The following DUOX2 variants were observed in gnomAD, a reference collection of about 807,000 sequenced individuals.
DUOX2 encodes the protein dual oxidase 2.
A neutral mutation model predicts 183.3 loss-of-function variants in DUOX2; 185 were observed. The observed-to-expected ratio is 1.01, with a 90% CI of 0.90 to 1.14. DUOX2 has a LOEUF of 1.14. DUOX2 is among the 50% of genes most tolerant of loss of function. The probability of loss-of-function intolerance (pLI) is 0.00; values close to 1 mark genes in which losing one functional copy is unlikely to be tolerated. For synonymous variants in DUOX2, 788 were observed against 812.4 expected, an observed-to-expected ratio of 0.97 and a Z score of 0.51; for missense variants, 1,999 against 2,022.9, an observed-to-expected ratio of 0.99 and a Z score of 0.23.
intron 20 of DUOX2, among the ~76,000 whole-genome samples, chr15:45,102,603 C>T (rs1428417570): frequency 6.6e-6 from 1 of 152,174 alleles, no homozygotes. Flanking sequence ...ATGCTGGGCC[C>T]ATAAAACACA....
chr15:45,095,967 T>C lies in DUOX2; in HGVS notation c.3941A>G (p.Glu1314Gly). ...GGAGGTCAGTGTGAAGGGGTGGTAC[T>C]CGGTGGTCCCCAGAGCCAGGCAGGC... The part of the protein sequence containing the change: ...RIACLALGTT[E>G]YHPFTLTSAP... Residue 1314 changes from glutamate (E) to glycine (G), a missense_variant, in exon 30 of 34, where the codon GAG becomes GGG. Transcript: ENST00000389039. 6.2e-7 allele frequency: 1 copy of C among 1,614,006 alleles called. No homozygotes were observed. Among genetic ancestry groups the C allele is most frequent in the Non-Finnish European group, 8.5e-7 (1 of 1,179,996 alleles).
At chr15:45,100,407 C>T in intron 23 of DUOX2, 179 bp from the exon 24 acceptor site, 1 of 632,656 alleles carries the variant, frequency 1.6e-6, no homozygotes, top group Non-Finnish European at 2.7e-6. Flanking sequence ...TGTCTTTGCT[C>T]CATCCACCCA....
Position 45,101,292 on chromosome 15 carries a change from A to C in DUOX2, c.2852-18T>G. On this transcript the variant is annotated intron_variant, in intron 21 of 33. Coordinates refer to ENST00000389039, the MANE Select transcript of DUOX2 (RefSeq NM_001363711.2). ...TCTAATACCTAGAGAAAAGAACAAGAGGCAGGACTGGCTTCCCCACAAGGG... is the reference window on the plus strand; with the variant it reads ...TCTAATACCTAGAGAAAAGAACAAGCGGCAGGACTGGCTTCCCCACAAGGG... 2 of 1,609,452 alleles carry C rather than the reference A, an allele frequency of 1.2e-6. No individual in the cohort carries two copies. The highest frequency in any genetic ancestry group is 2.2e-5 in the South Asian group (2 of 90,400).
intron 20 of DUOX2, among the ~76,000 whole-genome samples, chr15:45,102,344 A>G (rs1480229515): frequency 1.3e-5 from 2 of 151,834 alleles, no homozygotes; most frequent in African/African-American, 4.8e-5. Context: ...CTCCCACATC[A>G]CCCCTGGATT....
chr15:45,096,467 C>A (rs1315755553), intron 29 of DUOX2, among the ~76,000 whole-genome samples: 1 of 152,212 alleles, frequency 6.6e-6, no homozygotes, highest in Non-Finnish European at 1.5e-5. Context: ...TTTAAATTGA[C>A]TAACTTTTCC....
Position 45,111,478 on chromosome 15 carries a change from G to A in DUOX2, c.621C>T (p.Pro207=), listed in dbSNP as rs759969476. The A allele has an allele frequency of 9.5e-5, 147 of 1,549,732 alleles. No homozygotes were observed. The highest frequency in any genetic ancestry group is 2.9e-4 in the Admixed American group (15 of 51,220). The part of the protein sequence containing the change: ...SFSGGQLASG[P]DPAFPRDSQN... The stretch of plus-strand genomic sequence containing the variant: ...GCGAGTCTCGGGGGAAAGCGGGGTC[G>A]GGCCCCGACGCCAGCTGTCCCCCCG... The change falls in exon 6 of 34, where the codon CCC becomes CCT. Residue 207 remains proline, a synonymous_variant. Transcript: ENST00000389039.
Position 45,099,428 on chromosome 15 carries a change from A to C in DUOX2, c.3470T>G (p.Leu1157Arg). ...VNVYIFSVSP[L>R]SLLACIFPNV... ...GGGGAATATGCAGGCCAGCAGGCTG[A>C]GTGGGCTGACTGAGAAGATGTAGAC... The change falls in exon 26 of 34, where the codon CTC (leucine) becomes CGC (arginine). Residue 1157 changes from leucine to arginine, a missense_variant. Transcript: ENST00000389039. 1 of 1,614,128 alleles carries C rather than the reference A, an allele frequency of 6.2e-7. No individual in the cohort carries two copies. Among genetic ancestry groups the C allele is most frequent in the South Asian group, 1.1e-5 (1 of 91,086 alleles).
At position 45,113,430 on chromosome 15, in the gene DUOX2, G is replaced by T. The variant is rs201463794; in HGVS notation, c.-14-5C>A. 3.2e-6 allele frequency: 5 copies of T among 1,553,732 alleles called. No individual in the cohort carries two copies. Among genetic ancestry groups the T allele is most frequent in the Non-Finnish European group, 4.4e-6 (5 of 1,148,102 alleles). On this transcript the variant is annotated splice_polypyrimidine_tract_variant and splice_region_variant and intron_variant, in intron 1 of 33. Transcript: ENST00000389039. ...GGAGCATGCCAACCCTGCAGCCTGC[G>T]GGGTGAGGGTGGGGGTGGTAGGTGG...
intron 32 of DUOX2, 107 bp from the exon 33 acceptor site, chr15:45,094,798 AG>A: frequency 6.3e-7 from 1 of 1,595,418 alleles, no homozygotes; most frequent in East Asian, 2.3e-5. Flanking sequence ...AGGGAGCTGG[AG>A]GCTGAGGATC....
intron 12 of DUOX2, chr15:45,108,511 G>A (rs1894291466): frequency 1.7e-6 from 1 of 601,096 alleles, no homozygotes; most frequent in East Asian, 2.9e-5. Context: ...CCCTTGGGGT[G>A]GGACCCTGCA....
In DUOX2 at chr15:45,093,007, T is replaced by C. The variant is rs1257643873; in HGVS notation, c.*1143A>G. On this transcript the variant is annotated 3_prime_UTR_variant, in exon 34 of 34. Coordinates refer to ENST00000389039, the MANE Select transcript of DUOX2 (RefSeq NM_001363711.2). Reference sequence around the variant, plus strand: ...GAAACATTCTATGTCTTGACCTGGGTGGTGGTAAAACATGTACATGATTAT... The same window carrying C: ...GAAACATTCTATGTCTTGACCTGGGCGGTGGTAAAACATGTACATGATTAT... 2.0e-5 allele frequency: 3 copies of C among 152,136 alleles called. No homozygotes were observed. Among genetic ancestry groups the C allele is most frequent in the East Asian group, 1.9e-4 (1 of 5,192 alleles). The allele number at this position is 152,136 out of a possible 1,614,324, so 9.4% of individuals were successfully genotyped here.
At position 45,100,816 on chromosome 15, in the gene DUOX2, G is replaced by T. The variant is rs61730030; in HGVS notation, c.2944C>A (p.Pro982Thr). Residue 982 changes from proline to threonine, a missense_variant, in exon 23 of 34, where the codon CCC becomes ACC. By Grantham distance (38) the Pro-to-Thr change is conservative. Transcript: ENST00000389039. ...GERSHPQGLG[P>T]PAPEAPELGG... The stretch of plus-strand genomic sequence containing the variant: ...AGCTCTGGGGCTTCTGGGGCAGGGG[G>T]CCCCAGTCCCTGGGGGTGGGAGCTG... 16 of 1,613,576 alleles carry T rather than the reference G, an allele frequency of 9.9e-6. No individual in the cohort carries two copies. The highest frequency in any genetic ancestry group is 1.7e-5 in the Admixed American group (1 of 59,980).
chr15:45,113,420 T>A lies in DUOX2; in HGVS notation c.-9A>T. The A allele has an allele frequency of 1.9e-6, 3 of 1,557,572 alleles. No individual in the cohort carries two copies. Among genetic ancestry groups the A allele is most frequent in the Non-Finnish European group, 2.6e-6 (3 of 1,149,984 alleles). Reference sequence around the variant, plus strand: ...GGTCTTGCACGGAGCATGCCAACCCTGCAGCCTGCGGGGTGAGGGTGGGGG... The same window carrying A: ...GGTCTTGCACGGAGCATGCCAACCCAGCAGCCTGCGGGGTGAGGGTGGGGG... On this transcript the variant is annotated 5_prime_UTR_variant, in exon 2 of 34. Coordinates refer to ENST00000389039, the MANE Select transcript of DUOX2 (RefSeq NM_001363711.2).
chr15:45,106,993 C>T (rs1378397893), intron 14 of DUOX2, 24 bp from the exon 15 acceptor site: 28 of 1,565,750 alleles, frequency 1.8e-5, no homozygotes, highest in Non-Finnish European at 2.3e-5. Flanking sequence ...CAGGGAAGAC[C>T]TCAAAGTCTG....
In DUOX2 at chr15:45,093,273, T is replaced by C. The variant is rs1445581105; in HGVS notation, c.*877A>G. On this transcript the variant is annotated 3_prime_UTR_variant, in exon 34 of 34. Transcript: ENST00000389039. ...AGGACAGCTGGTCACCCAACTCTTG[T>C]GGAAGAGGGGAATTGAGATCGAGTA... is the stretch of plus-strand genomic sequence containing the variant. 2.0e-5 allele frequency: 3 copies of C among 152,088 alleles called. No homozygotes were observed. The highest frequency in any genetic ancestry group is 4.4e-5 in the Non-Finnish European group (3 of 68,072). The allele number at this position is 152,088 out of a possible 1,614,324, so 9.4% of individuals were successfully genotyped here.
rs1295924787 is a variant in DUOX2 at position 45,100,047 on chromosome 15, T to C, written c.3184+3A>G. ...CCCACTGCCCACAGCCTGGAACTCTTACAGTAAGCACGATCTGCAAACACG... is the reference window on the plus strand; with the variant it reads ...CCCACTGCCCACAGCCTGGAACTCTCACAGTAAGCACGATCTGCAAACACG... On this transcript the variant is annotated splice_donor_region_variant and intron_variant, in intron 24 of 33. Coordinates refer to ENST00000389039, the MANE Select transcript of DUOX2 (RefSeq NM_001363711.2). 6.2e-7 allele frequency: 1 copy of C among 1,614,074 alleles called. No homozygotes were observed. The highest frequency in any genetic ancestry group is 8.5e-7 in the Non-Finnish European group (1 of 1,180,040).
In DUOX2 at chr15:45,106,270, G is replaced by A. The variant is rs763038019; in HGVS notation, c.2003C>T (p.Ser668Leu). ...RSSPIIIQLL[S>L]DRCLQVLNRH... is the part of the protein sequence containing the mutation. ...GTTCAGGACCTGCAGACACCTGTCT[G>A]ACAGCAGCTGGATGATGATGGGACT... Residue 668 changes from serine to leucine, a missense_variant, in exon 17 of 34, where the codon TCA becomes TTA. Ser to Leu is a moderately radical substitution (Grantham distance 145). Coordinates refer to ENST00000389039, the MANE Select transcript of DUOX2 (RefSeq NM_001363711.2). 1 of 1,614,028 alleles carries A rather than the reference G, an allele frequency of 6.2e-7. No homozygotes were observed. Among genetic ancestry groups the A allele is most frequent in the African/African-American group, 1.3e-5 (1 of 74,932 alleles).
At chr15:45,102,060 C>T in intron 20 of DUOX2, 71 bp from the exon 21 acceptor site, 1 of 1,569,846 alleles carries the variant, frequency 6.4e-7, no homozygotes, top group Non-Finnish European at 8.7e-7. Context: ...CAGGGTGGGG[C>T]AGGCCCCAGA....
chr15:45,095,448 G>A lies in DUOX2; in HGVS notation c.4228C>T (p.Leu1410=). 6.2e-7 allele frequency: 1 copy of A among 1,614,218 alleles called. No individual in the cohort carries two copies. Among genetic ancestry groups the A allele is most frequent in the East Asian group, 2.2e-5 (1 of 44,878 alleles). Residue 1410 remains leucine (L), a synonymous_variant, in exon 31 of 34, where the codon CTG becomes TTG. Transcript: ENST00000389039. ...GGAGGGATGCTCACCTTCTTACACA[G>A]CATTTGGCTGCCCAAGGATGACTTG... ...VFKSSLGSQM[L]CKKIYFIWVT... is the part of the protein sequence containing the mutation.
Sources: allele counts gnomAD v4.1 joint callset (sites outside exome capture counted in the v4.1 genomes callset), GRCh38; gene constraint gnomAD v4.1.1; transcripts MANE v1.5; gene names NCBI Gene and HGNC (gene_info 2026-07-23, HGNC 2026-07-21).